The following USP3 variants were observed in gnomAD, a reference collection of about 807,000 sequenced individuals.
USP3 encodes ubiquitin specific peptidase 3, also known as ubiquitin carboxyl-terminal hydrolase 3.
USP3 carries 20 observed loss-of-function variants against 72.3 expected under a neutral mutation model. The observed-to-expected ratio is 0.28, with a 90% CI of 0.19 to 0.40. The LOEUF (loss-of-function observed/expected upper bound fraction) is 0.40, where lower values mean the gene tolerates loss of function less well. Ranked by LOEUF, USP3 falls within the 10% of genes least tolerant of loss-of-function variation. The probability of loss-of-function intolerance (pLI) is 1.00; values close to 1 mark genes in which losing one functional copy is unlikely to be tolerated. For missense variants in USP3, 479 were observed against 633.9 expected, an observed-to-expected ratio of 0.76 and a Z score of 2.62; for synonymous variants, 222 against 225.3, an observed-to-expected ratio of 0.99 and a Z score of 0.13.
At chr15:63,582,261 G>A (rs1376456510) in intron 11 of USP3, among the ~76,000 whole-genome samples, 1 of 152,186 alleles carries the variant, frequency 6.6e-6, no homozygotes, top group Non-Finnish European at 1.5e-5. Context: ...TAAAACCCAT[G>A]AAGAGATGAC....
intron 3 of USP3, among the ~76,000 whole-genome samples, chr15:63,552,726 TTC>T (rs888843605): frequency 6.6e-6 from 1 of 152,014 alleles, no homozygotes; most frequent in South Asian, 2.1e-4. Context: ...CCCCACCCCT[TTC>T]TCTCTCTTTC....
chr15:63,560,691 A>AG (rs558210446), intron 7 of USP3, among the ~76,000 whole-genome samples: 2 of 151,796 alleles, frequency 1.3e-5, no homozygotes, highest in African/African-American at 4.8e-5. Context: ...TGATACGGAG[A>AG]GGGGGGGAAG....
At chr15:63,558,805 G>A (rs145253942) in intron 6 of USP3, among the ~76,000 whole-genome samples, 1 of 152,294 alleles carries the variant, frequency 6.6e-6, no homozygotes, top group East Asian at 1.9e-4. Flanking sequence ...AACCCAGGAG[G>A]TGGAAGTTGC....
At chr15:63,566,885 G>T (rs898474795) in intron 8 of USP3, among the ~76,000 whole-genome samples, 3 of 151,846 alleles carry the variant, frequency 2.0e-5, no homozygotes, top group African/African-American at 7.3e-5. Context: ...CAGATATTTT[G>T]GCCAAAACAA....
At chr15:63,545,996 CAGT>C (rs1384392339) in intron 3 of USP3, among the ~76,000 whole-genome samples, 3 of 66,104 alleles carry the variant, frequency 4.5e-5, no homozygotes, top group African/African-American at 1.7e-4. Context: ...AAAAAAAAAA[CAGT>C]AGAGCTCATC....
chr15:63,533,949 A>C, intron 2 of USP3: 6 of 964,592 alleles, frequency 6.2e-6, no homozygotes, highest in Non-Finnish European at 7.7e-6. Flanking sequence ...AAATTTATGT[A>C]GTTCTGTTCT....
chr15:63,515,818 G>A (rs1470279383), intron 1 of USP3, among the ~76,000 whole-genome samples: 2 of 152,006 alleles, frequency 1.3e-5, no homozygotes, highest in African/African-American at 2.4e-5. Context: ...AGTATCAAAG[G>A]GCTTAAAATA....
At chr15:63,526,964 G>T (rs139434688) in intron 1 of USP3, among the ~76,000 whole-genome samples, 4 of 152,122 alleles carry the variant, frequency 2.6e-5, no homozygotes, top group Non-Finnish European at 5.9e-5. Context: ...GTGTGATCTC[G>T]ACTCACTGCA....
At chr15:63,554,839 T>G (rs1438641445) in intron 4 of USP3, among the ~76,000 whole-genome samples, 1 of 152,208 alleles carries the variant, frequency 6.6e-6, no homozygotes, top group East Asian at 1.9e-4. Flanking sequence ...TACTTCTTGG[T>G]TTGTCATCTT....
chr15:63,542,023 T>C (rs1463428490), intron 3 of USP3: 1 of 984,474 alleles, frequency 1.0e-6, no homozygotes, highest in Non-Finnish European at 1.2e-6. Flanking sequence ...TAAAAAATGT[T>C]TTATTTGTAT....
At chr15:63,547,389 T>TA (rs760140731) in intron 3 of USP3, among the ~76,000 whole-genome samples, 2 of 150,326 alleles carry the variant, frequency 1.3e-5, no homozygotes, top group Non-Finnish European at 1.5e-5. Flanking sequence ...TGTAAAAACC[T>TA]AAAAAAAAAA....
rs1244043417 is a variant in USP3, at chr15:63,570,303, G to A, written c.762-130G>A. The A allele has an allele frequency of 3.4e-6, 4 of 1,178,972 alleles. No individual in the cohort carries two copies. Among genetic ancestry groups the A allele is most frequent in the Non-Finnish European group, 4.7e-6 (4 of 845,122 alleles). 73.0% of individuals were successfully genotyped at this position (1,178,972 alleles called of 1,614,324 possible). On this transcript the variant is annotated intron_variant, in intron 8 of 14. Transcript: ENST00000380324. This position sits in a 1 kb window ranked among gnomAD's most constrained non-coding sequence, Gnocchi z 4.4. Reference sequence around the variant, plus strand: ...CACCTGTGGAGCTTTCGGGCATGAAGGTGAGGAAGCCTGGCTGTGCTTGTG... The same window carrying A: ...CACCTGTGGAGCTTTCGGGCATGAAAGTGAGGAAGCCTGGCTGTGCTTGTG...
At chr15:63,526,216 A>G (rs1348158446) in intron 1 of USP3, among the ~76,000 whole-genome samples, 6 of 152,242 alleles carry the variant, frequency 3.9e-5, no homozygotes, top group Non-Finnish European at 7.3e-5. Flanking sequence ...TAGTACATAC[A>G]TAGACTCAGA....
At position 63,574,735 on chromosome 15, in the gene USP3, A is replaced by G. The variant is rs1469300685; in HGVS notation, c.1096+332A>G. On this transcript the variant is annotated intron_variant, in intron 11 of 14. Transcript: ENST00000380324. This position sits in a 1 kb window ranked among gnomAD's most constrained non-coding sequence, Gnocchi z 4.6. Reference sequence around the variant, plus strand: ...ATCCCACTAGCATCTATAGGAAGAAAGAATACTCAGCAGAGTTTTATAAAT... The same window carrying G: ...ATCCCACTAGCATCTATAGGAAGAAGGAATACTCAGCAGAGTTTTATAAAT... Among the ~76,000 whole-genome samples, 1 of 152,242 alleles carries G rather than the reference A, an allele frequency of 6.6e-6. No homozygotes were observed. Among genetic ancestry groups the G allele is most frequent in the Non-Finnish European group, 1.5e-5 (1 of 68,034 alleles).
intron 8 of USP3, among the ~76,000 whole-genome samples, chr15:63,568,111 T>C (rs1023845849): frequency 2.6e-5 from 4 of 152,062 alleles, no homozygotes; most frequent in African/African-American, 9.7e-5. Context: ...TCCCAGCACT[T>C]TGGGAGGCCG....
chr15:63,509,624 T>C (rs62011294), intron 1 of USP3, among the ~76,000 whole-genome samples: 32 of 152,352 alleles, frequency 2.1e-4, no homozygotes, highest in Non-Finnish European at 4.0e-4. Flanking sequence ...GAGTTTTATA[T>C]ATCCTTCTGA....
chr15:63,551,532 T>A (rs967707457), intron 3 of USP3, among the ~76,000 whole-genome samples: 7 of 152,248 alleles, frequency 4.6e-5, no homozygotes, highest in Middle Eastern at 3.4e-3. Flanking sequence ...AGAAAAATCA[T>A]AGAAAAATCA....
intron 1 of USP3, among the ~76,000 whole-genome samples, chr15:63,513,710 A>T (rs1172338970): frequency 6.6e-6 from 1 of 152,134 alleles, no homozygotes; most frequent in Non-Finnish European, 1.5e-5. Context: ...TAAATTGTTC[A>T]TTACTTTGTT....
Position 63,590,895 on chromosome 15 carries a change from T to C in USP3, c.*69T>C. The C allele has an allele frequency of 1.4e-6, 2 of 1,481,154 alleles. No homozygotes were observed. The highest frequency in any genetic ancestry group is 4.5e-5 in the Admixed American group (2 of 44,008). The allele number at this position is 1,481,154 out of a possible 1,614,324, so 91.8% of individuals were successfully genotyped here. A position where few individuals can be genotyped will look rare whatever the true frequency, so the allele number is the denominator to read the frequency against. ...TTTCCAGTTTTCCACAAATACTTGA[T>C]ACAAGATTTAATTTCATTATGCACT... is the stretch of plus-strand genomic sequence containing the variant. On this transcript the variant is annotated 3_prime_UTR_variant, in exon 15 of 15. Coordinates refer to ENST00000380324, the MANE Select transcript of USP3 (RefSeq NM_006537.4).
Sources: allele counts gnomAD v4.1 joint callset (sites outside exome capture counted in the v4.1 genomes callset), GRCh38; gene constraint gnomAD v4.1.1; non-coding constraint Gnocchi (gnomAD v3.1); transcripts MANE v1.5; gene names NCBI Gene and HGNC (gene_info 2026-07-23, HGNC 2026-07-21).